Variants in WDR20 observed in about 807,000 individuals in gnomAD.
WDR20 encodes the protein WD repeat domain 20.
A neutral mutation model predicts 38.7 loss-of-function variants in WDR20; 3 were observed. The observed-to-expected ratio is 0.08, with a 90% CI of 0.04 to 0.20. The LOEUF (loss-of-function observed/expected upper bound fraction) is 0.20, where lower values mean the gene tolerates loss of function less well. WDR20 is among the 10% of genes least tolerant of loss of function. The pLI, the probability that WDR20 is intolerant of heterozygous loss-of-function variation, is 1.00. For missense variants in WDR20, 559 were observed against 727.7 expected, an observed-to-expected ratio of 0.77 and a Z score of 2.67; for synonymous variants, 298 against 285.6, an observed-to-expected ratio of 1.04 and a Z score of -0.44.
chr14:102,157,811 G>A (rs2057764370), intron 1 of WDR20, among the ~76,000 whole-genome samples: 1 of 151,996 alleles, frequency 6.6e-6, no homozygotes, highest in Non-Finnish European at 1.5e-5. Flanking sequence ...GCTTGGGGAG[G>A]GTAGGATTAT....
intron 2 of WDR20, chr14:102,195,992 C>T (rs2059350841): frequency 6.6e-6 from 1 of 152,128 alleles, no homozygotes; most frequent in South Asian, 2.1e-4. Flanking sequence ...TGTGGGACCC[C>T]CTCCCTTTTG....
chr14:102,193,719 G>A (rs975340192), intron 1 of WDR20, among the ~76,000 whole-genome samples: 2 of 152,188 alleles, frequency 1.3e-5, no homozygotes, highest in Admixed American at 6.5e-5. Context: ...TACTTGGTTC[G>A]ATGTCACAGG....
chr14:102,161,151 T>A (rs1275410611), intron 1 of WDR20, among the ~76,000 whole-genome samples: 31 of 65,614 alleles, frequency 4.7e-4, no homozygotes, highest in African/African-American at 1.4e-3. Context: ...TATTTTTTTT[T>A]TTTTTTTTTT....
Position 102,196,894 on chromosome 14 carries a change from C to T in WDR20, c.432+1774C>T, listed in dbSNP as rs559860052. Among the ~76,000 whole-genome samples the T allele has an allele frequency of 1.1e-4, 17 of 152,346 alleles. No homozygotes were observed. The South Asian group carries it at 3.5e-3, about 32-fold the overall frequency. Reference sequence around the variant, plus strand: ...TGGTTTAATGCCAGCTTTGCATTTACAGCTTGAGGCTGAAATCGATTGCCC... The same window carrying T: ...TGGTTTAATGCCAGCTTTGCATTTATAGCTTGAGGCTGAAATCGATTGCCC... On this transcript the variant is annotated intron_variant, in intron 2 of 2. Coordinates refer to ENST00000342702, the MANE Select transcript of WDR20 (RefSeq NM_144574.4).
At chr14:102,183,983 A>G (rs1191938539) in intron 1 of WDR20, among the ~76,000 whole-genome samples, 2 of 152,222 alleles carry the variant, frequency 1.3e-5, no homozygotes, top group African/African-American at 4.8e-5. Flanking sequence ...AGAATTTGAA[A>G]TCATCTTTTG....
chr14:102,218,592 T>A (rs2063506936), downstream of WDR20, among the ~76,000 whole-genome samples: 1 of 152,268 alleles, frequency 6.6e-6, no homozygotes. Context: ...GGTGTAATTC[T>A]CTTAACTTAG....
rs116387028 is a variant in WDR20 at position 102,175,567 on chromosome 14, G to A, written c.250-19371G>A. ...TTTGTTTTCATATGAATTTTAGGAT[G>A]GTTTTTCCTAGTTTGGTGAAGAATG... On this transcript the variant is annotated intron_variant, in intron 1 of 2. Transcript: ENST00000342702. Among the ~76,000 whole-genome samples the A allele has an allele frequency of 2.0e-5, 3 of 152,028 alleles. No individual in the cohort carries two copies. The South Asian group carries it at 6.2e-4, about 32-fold the overall frequency.
chr14:102,202,594 A>G lies in WDR20; in HGVS notation c.433-6009A>G, dbSNP rs558313157. 5.3e-5 allele frequency among the ~76,000 whole-genome samples: 8 copies of G among 151,458 alleles called. No individual in the cohort carries two copies. In the South Asian group the frequency reaches 1.7e-3, roughly 32 times the overall value. Reference sequence around the variant, plus strand: ...ACAGGGTTTCACCATATTGGCCAGGATGGTCTCGATCTCCTGACCTCGTGA... The same window carrying G: ...ACAGGGTTTCACCATATTGGCCAGGGTGGTCTCGATCTCCTGACCTCGTGA... On this transcript the variant is annotated intron_variant, in intron 2 of 2. Transcript: ENST00000342702.
At chr14:102,142,918 G>A (rs1042474416) in intron 1 of WDR20, among the ~76,000 whole-genome samples, 3 of 150,590 alleles carry the variant, frequency 2.0e-5, no homozygotes, top group Non-Finnish European at 2.9e-5. Context: ...GTCTTTTAAA[G>A]AACTTAACTC....
chr14:102,191,152 G>C (rs965565695), intron 1 of WDR20: 5 of 152,234 alleles, frequency 3.3e-5, no homozygotes, highest in African/African-American at 1.2e-4. Flanking sequence ...CAGGGGAGGG[G>C]TGGGCCTTTG....
intron 1 of WDR20, among the ~76,000 whole-genome samples, chr14:102,163,977 T>C (rs538375699): frequency 6.6e-6 from 1 of 152,318 alleles, no homozygotes; most frequent in African/African-American, 2.4e-5. Context: ...TTAGCAAGAC[T>C]GAAGGCATTA....
At chr14:102,190,059 C>A (rs1306254804) in intron 1 of WDR20, among the ~76,000 whole-genome samples, 1 of 152,068 alleles carries the variant, frequency 6.6e-6, no homozygotes, top group East Asian at 1.9e-4. Context: ...TCTGCTCTGG[C>A]CATTGCTTAT....
At chr14:102,186,937 G>C (rs933362188) in intron 1 of WDR20, among the ~76,000 whole-genome samples, 1 of 147,412 alleles carries the variant, frequency 6.8e-6, no homozygotes, top group African/African-American at 2.6e-5. Context: ...GGGACAGAAC[G>C]AGACTCTGTC....
At chr14:102,171,225 C>T (rs986500481) in intron 1 of WDR20, among the ~76,000 whole-genome samples, 4 of 147,086 alleles carry the variant, frequency 2.7e-5, no homozygotes, top group Non-Finnish European at 6.0e-5. Context: ...GCTGGAATTA[C>T]AGGTGCAAGC....
At chr14:102,196,704 C>T (rs1423626143) in intron 2 of WDR20, among the ~76,000 whole-genome samples, 4 of 152,132 alleles carry the variant, frequency 2.6e-5, no homozygotes, top group Non-Finnish European at 2.9e-5. Flanking sequence ...TCTCAGGGCT[C>T]TGGGAGCACT....
intron 2 of WDR20, 115 bp downstream of exon 2, chr14:102,195,235 G>T: frequency 1.7e-6 from 2 of 1,160,360 alleles, no homozygotes; most frequent in Non-Finnish European, 2.4e-6. Flanking sequence ...TATTCGCCCA[G>T]CCCTCCTACC....
Position 102,220,719 on chromosome 14 carries a change from CAAAAAAA to C in WDR20, c.1693-2099_1693-2093del, listed in dbSNP as rs35097607. ...TGGACAACAAAGTGAGACTCCGTCT[CAAAAAAA>C]AAAAAAAAAAAGAAAATATTAAAAT... is the stretch of plus-strand genomic sequence containing the variant. On this transcript the variant is annotated intron_variant, in intron 3 of 3. Transcript: ENST00000335263. The surrounding 1 kb of genome is among the most constrained non-coding windows in gnomAD (Gnocchi z 4.2). Among the ~76,000 whole-genome samples the C allele has an allele frequency of 2.7e-5, 3 of 111,712 alleles. No individual in the cohort carries two copies. The East Asian group carries it at 8.5e-4, about 32-fold the overall frequency. The allele number at this position is 111,712 out of a possible 152,430, so 73.3% of individuals were successfully genotyped here. A position where few individuals can be genotyped will look rare whatever the true frequency, so the allele number is the denominator to read the frequency against.
intron 1 of WDR20, among the ~76,000 whole-genome samples, chr14:102,151,546 C>T (rs1398521416): frequency 6.6e-6 from 1 of 151,800 alleles, no homozygotes; most frequent in African/African-American, 2.4e-5. Flanking sequence ...CAGGTGTGCA[C>T]CACCACGCCT....
chr14:102,187,597 G>GCTAA (rs1002643995), intron 1 of WDR20, among the ~76,000 whole-genome samples: 14 of 152,224 alleles, frequency 9.2e-5, no homozygotes, highest in African/African-American at 1.2e-4. Context: ...GCCTGTGAGT[G>GCTAA]CTAAGCTGTA....
Sources: gnomAD v4.1 joint callset for allele counts (sites outside exome capture counted in the v4.1 genomes callset) on GRCh38, gnomAD v4.1.1 for gene constraint, Gnocchi (gnomAD v3.1) non-coding constraint, MANE v1.5 for transcripts, NCBI Gene and HGNC (gene_info 2026-07-23, HGNC 2026-07-21) for gene names.